CENPC: variants seen among roughly 807,000 people sequenced by gnomAD.
CENPC encodes CENP-C 1.
A neutral mutation model predicts 112.1 loss-of-function variants in CENPC; 63 were observed. The ratio of observed to expected loss-of-function variants is 0.56; its 90% confidence interval spans 0.46 to 0.69. The LOEUF (loss-of-function observed/expected upper bound fraction) is 0.69. Ranked by LOEUF, CENPC falls within the 30% of genes least tolerant of loss-of-function variation. The probability of loss-of-function intolerance (pLI) is 0.00; values close to 1 mark genes in which losing one functional copy is unlikely to be tolerated. For missense variants in CENPC, 1,000 were observed against 1,103.8 expected (o/e 0.91, Z 1.33); for synonymous variants, 333 against 367.6 (o/e 0.91, Z 1.08).
chr4:67,523,075 G>A (rs186586497), intron 5 of CENPC, among the ~76,000 whole-genome samples: 31 of 152,214 alleles, frequency 2.0e-4, no homozygotes, highest in African/African-American at 7.5e-4. Context: ...CCTTTGGAAT[G>A]CTGAGGCAGG....
chr4:67,525,517 C>T (rs1204317282), intron 5 of CENPC, among the ~76,000 whole-genome samples: 1 of 152,016 alleles, frequency 6.6e-6, no homozygotes, highest in Non-Finnish European at 1.5e-5. Context: ...ATGATATGAA[C>T]AGACACTTCT....
intron 2 of CENPC, among the ~76,000 whole-genome samples, chr4:67,542,287 C>A (rs1177634793): frequency 1.3e-5 from 2 of 152,130 alleles, no homozygotes; most frequent in Non-Finnish European, 2.9e-5. Flanking sequence ...TGGCTGTGTT[C>A]CAATAAAATT....
chr4:67,512,482 T>A lies in CENPC; in HGVS notation c.1532A>T (p.Glu511Val). ...TTTCGTGACAGTTGAAGTCACTTCTTCAGGTACAAGTTTGTTCTTGGACTC... is the reference window on the plus strand; with the variant it reads ...TTTCGTGACAGTTGAAGTCACTTCTACAGGTACAAGTTTGTTCTTGGACTC... ...SSESKNKLVP[E>V]EVTSTVTKSR... The change falls in exon 9 of 19, where the codon GAA (glutamate) becomes GTA (valine). Residue 511 changes from glutamate to valine, a missense_variant. Coordinates refer to ENST00000273853, the MANE Select transcript of CENPC (RefSeq NM_001812.4). The A allele has an allele frequency of 6.3e-7, 1 of 1,597,604 alleles. No individual in the cohort carries two copies. The highest frequency in any genetic ancestry group is 8.5e-7 in the Non-Finnish European group (1 of 1,171,748).
rs1238399561 is a variant in CENPC at position 67,497,707 on chromosome 4, A to AT, written c.2132-2496dup. On this transcript the variant is annotated intron_variant, in intron 12 of 18. Transcript: ENST00000273853. ...ACCACCACGCTCAGCTAATTTTTGT[A>AT]TTTTTTGTAGAAACAGGTTTCTGGC... Among the ~76,000 whole-genome samples the AT allele has an allele frequency of 2.6e-5, 4 of 152,004 alleles. No homozygotes were observed. In the East Asian group the frequency reaches 5.9e-4, roughly 22 times the overall value.
chr4:67,512,801 T>C lies in CENPC; in HGVS notation c.1445-232A>G, dbSNP rs115647273. Among the ~76,000 whole-genome samples, 231 of 152,182 alleles carry C rather than the reference T, an allele frequency of 1.5e-3. 1 individual carries two copies. Among genetic ancestry groups the C allele is most frequent in the African/African-American group, 5.4e-3 (226 of 41,532 alleles). On this transcript the variant is annotated intron_variant, in intron 8 of 18. Coordinates refer to ENST00000273853, the MANE Select transcript of CENPC (RefSeq NM_001812.4). ...TTTTCACACTGCTTGATAACTCTTATATACTCCTCAGCCAAAAAAATAAGT... is the reference window on the plus strand; with the variant it reads ...TTTTCACACTGCTTGATAACTCTTACATACTCCTCAGCCAAAAAAATAAGT...
rs1381056471 is a variant in CENPC, at chr4:67,470,968, T to G, written c.*1637A>C. 1 of 152,022 alleles carries G rather than the reference T, an allele frequency of 6.6e-6. No homozygotes were observed. Among genetic ancestry groups the G allele is most frequent in the Non-Finnish European group, 1.5e-5 (1 of 68,030 alleles). 9.4% of individuals were successfully genotyped at this position (152,022 alleles called of 1,614,324 possible). ...GTAACATGAGCTCTCCAAACATCTT[T>G]GGCAAACTGAAATGATGCATGCACA... On this transcript the variant is annotated 3_prime_UTR_variant, in exon 19 of 19. Transcript: ENST00000273853.
intron 17 of CENPC, among the ~76,000 whole-genome samples, chr4:67,485,961 C>T (rs1028124111): frequency 2.6e-5 from 4 of 152,092 alleles, no homozygotes; most frequent in Non-Finnish European, 5.9e-5. Context: ...CTGTGATATA[C>T]TGCCTCCCTA....
At chr4:67,486,991 T>C (rs1227807275) in intron 17 of CENPC, among the ~76,000 whole-genome samples, 1 of 151,480 alleles carries the variant, frequency 6.6e-6, no homozygotes, top group African/African-American at 2.4e-5. Flanking sequence ...TTTTTCTTTT[T>C]TAAGGCATGG....
intron 17 of CENPC, among the ~76,000 whole-genome samples, chr4:67,481,650 G>A (rs1425642009): frequency 6.6e-6 from 1 of 152,110 alleles, no homozygotes; most frequent in Non-Finnish European, 1.5e-5. Flanking sequence ...CACTAAGTAG[G>A]GAAGGGACAC....
rs1285577739 is a variant in CENPC, at chr4:67,544,210, A to G, written c.19-15T>C. 1.9e-5 allele frequency: 29 copies of G among 1,504,294 alleles called. No individual in the cohort carries two copies. Among genetic ancestry groups the G allele is most frequent in the African/African-American group, 2.8e-5 (2 of 72,632 alleles). 93.2% of individuals were successfully genotyped at this position (1,504,294 alleles called of 1,614,324 possible). A position where few individuals can be genotyped will look rare whatever the true frequency, so the allele number is the denominator to read the frequency against. ...TTGAGATGATCCTGAAAGAAAAGTA[A>G]ATCATCAATTTGGTTTCTTTAAGAT... On this transcript the variant is annotated splice_polypyrimidine_tract_variant and intron_variant, in intron 1 of 18. Coordinates refer to ENST00000273853, the MANE Select transcript of CENPC (RefSeq NM_001812.4).
chr4:67,530,152 C>G (rs1578003683), intron 5 of CENPC, among the ~76,000 whole-genome samples: 2 of 152,056 alleles, frequency 1.3e-5, no homozygotes, highest in South Asian at 4.1e-4. Flanking sequence ...TAAGACAGAA[C>G]TTTTAACTAA....
chr4:67,522,794 G>A (rs1726264407), intron 5 of CENPC, among the ~76,000 whole-genome samples: 1 of 152,088 alleles, frequency 6.6e-6, no homozygotes, highest in Non-Finnish European at 1.5e-5. Flanking sequence ...GAGGTCAGGG[G>A]TTCCAGATGA....
intron 12 of CENPC, among the ~76,000 whole-genome samples, chr4:67,496,978 C>T (rs951630949): frequency 7.0e-6 from 1 of 142,720 alleles, no homozygotes; most frequent in African/African-American, 2.6e-5. Flanking sequence ...TCTCCTGTGA[C>T]ACTGGGCCTC....
rs2109751723 is a variant in CENPC at position 67,469,713 on chromosome 4, T to C, written c.*2892A>G. ...GACAAAGTAGGCAGGACTGTGATTC[T>C]TTAAAGACATGAAATTAACTCCATA... On this transcript the variant is annotated 3_prime_UTR_variant, in exon 19 of 19. Transcript: ENST00000273853. 6.6e-6 allele frequency: 1 copy of C among 152,350 alleles called. No homozygotes were observed. The highest frequency in any genetic ancestry group is 1.9e-4 in the East Asian group (1 of 5,184). 9.4% of individuals were successfully genotyped at this position (152,350 alleles called of 1,614,324 possible). A position where few individuals can be genotyped will look rare whatever the true frequency, so the allele number is the denominator to read the frequency against.
intron 4 of CENPC, among the ~76,000 whole-genome samples, chr4:67,538,912 AAATTTGTT>A (rs1174833907): frequency 1.3e-5 from 2 of 152,122 alleles, no homozygotes; most frequent in African/African-American, 4.8e-5. Flanking sequence ...CATATATCTA[AAATTTGTT>A]TCCATTTTTT....
At chr4:67,501,460 C>G (rs1725588285) in intron 12 of CENPC, among the ~76,000 whole-genome samples, 1 of 152,120 alleles carries the variant, frequency 6.6e-6, no homozygotes, top group African/African-American at 2.4e-5. Flanking sequence ...CACATTTGAT[C>G]ATGAGTTAAG....
At chr4:67,510,286 T>A (rs1725857921) in intron 9 of CENPC, among the ~76,000 whole-genome samples, 1 of 152,122 alleles carries the variant, frequency 6.6e-6, no homozygotes, top group African/African-American at 2.4e-5. Context: ...ACTTAAAACA[T>A]TCCATAACTT....
intron 9 of CENPC, 126 bp from the exon 10 acceptor site, chr4:67,509,231 C>T (rs982999460): frequency 9.7e-5 from 58 of 597,016 alleles, no homozygotes; most frequent in Non-Finnish European, 1.6e-4. Context: ...CACACACACA[C>T]ACACACACAC....
chr4:67,505,780 A>G (rs1725714682), intron 11 of CENPC, among the ~76,000 whole-genome samples: 1 of 152,202 alleles, frequency 6.6e-6, no homozygotes, highest in South Asian at 2.1e-4. Flanking sequence ...TGCATTAAAC[A>G]AAGACTACAA....
Sources: allele counts gnomAD v4.1 joint callset (sites outside exome capture counted in the v4.1 genomes callset), GRCh38; gene constraint gnomAD v4.1.1; transcripts MANE v1.5; gene names NCBI Gene and HGNC (gene_info 2026-07-23, HGNC 2026-07-21).